FGF14: variants seen among roughly 807,000 people sequenced by gnomAD.
FGF14 encodes fibroblast growth factor homologous factor 4.
In FGF14, 5 loss-of-function variants were observed where a neutral mutation model predicts 25.5. That is an observed-to-expected ratio of 0.20 (90% CI 0.10 to 0.41). FGF14 has a LOEUF of 0.41. Among genes scored for constraint, FGF14 ranks in the 10% least tolerant of loss-of-function variants. The pLI, the probability that FGF14 is intolerant of heterozygous loss-of-function variation, is 1.00. For synonymous variants in FGF14, 138 were observed against 118.3 expected (o/e 1.17, Z -1.08); for missense variants, 222 against 320.1 (o/e 0.69, Z 2.34).
chr13:101,811,018 A>T, intron 3 of FGF14, among the ~76,000 whole-genome samples: 1 of 143,094 alleles, frequency 7.0e-6, no homozygotes. Context: ...TCCTGCTCCA[A>T]AACACACATA....
At chr13:101,956,139 T>C (rs2036498895) in intron 1 of FGF14, among the ~76,000 whole-genome samples, 1 of 152,232 alleles carries the variant, frequency 6.6e-6, no homozygotes, top group African/African-American at 2.4e-5. Flanking sequence ...TCAATTCTAC[T>C]AGTTTCCCAG....
At chr13:101,817,998 A>G (rs1365629174) in intron 3 of FGF14, among the ~76,000 whole-genome samples, 3 of 152,208 alleles carry the variant, frequency 2.0e-5, no homozygotes, top group African/African-American at 7.2e-5. Flanking sequence ...TCTCTCAGTT[A>G]TTCAGTCAGT....
intron 1 of FGF14, among the ~76,000 whole-genome samples, chr13:102,158,600 A>G (rs150938008): frequency 0.038 from 5,749 of 151,952 alleles, 358 homozygotes; most frequent in African/African-American, 0.13. Flanking sequence ...CAGCACACCA[A>G]CGTGGCACAT....
chr13:102,209,383 G>GC, intron 1 of FGF14, among the ~76,000 whole-genome samples: 1 of 152,290 alleles, frequency 6.6e-6, no homozygotes, highest in African/African-American at 2.4e-5. Context: ...AAAAACTGTT[G>GC]GTGTCTGAAG....
intron 1 of FGF14, among the ~76,000 whole-genome samples, chr13:102,155,615 G>C (rs1447521621): frequency 6.6e-6 from 1 of 151,994 alleles, no homozygotes; most frequent in Non-Finnish European, 1.5e-5. Flanking sequence ...AGAAAAGCAA[G>C]AGCAAACACA....
chr13:101,883,912 A>G (rs1312800101), intron 1 of FGF14, among the ~76,000 whole-genome samples: 1 of 150,962 alleles, frequency 6.6e-6, no homozygotes, highest in East Asian at 2.0e-4. Context: ...TAAATGCAAA[A>G]ATTAGCCGGG....
At chr13:101,817,944 A>T (rs956248246) in intron 3 of FGF14, among the ~76,000 whole-genome samples, 7 of 152,252 alleles carry the variant, frequency 4.6e-5, no homozygotes, top group African/African-American at 1.7e-4. Context: ...TGTGTACAAC[A>T]GAAGCAATCT....
chr13:101,986,247 C>G (rs2038572529), intron 1 of FGF14, among the ~76,000 whole-genome samples: 1 of 152,034 alleles, frequency 6.6e-6, no homozygotes, highest in South Asian at 2.1e-4. Flanking sequence ...CAGTAGCGCA[C>G]AAGTTTTTCA....
intron 1 of FGF14, among the ~76,000 whole-genome samples, chr13:102,379,735 TAGAA>T (rs1468636203): frequency 6.6e-6 from 1 of 152,150 alleles, no homozygotes; most frequent in Non-Finnish European, 1.5e-5. Context: ...GTAAACAAGT[TAGAA>T]AGGTAAAGCA....
chr13:101,987,103 G>T (rs981643), intron 1 of FGF14, among the ~76,000 whole-genome samples: 5,864 of 152,002 alleles, frequency 0.039, 336 homozygotes, highest in African/African-American at 0.13. Flanking sequence ...CTAACTGGTT[G>T]CCCTTATTCC....
intron 1 of FGF14, among the ~76,000 whole-genome samples, chr13:102,297,648 G>C (rs934772529): frequency 6.6e-6 from 1 of 151,920 alleles, no homozygotes; most frequent in Non-Finnish European, 1.5e-5. Context: ...CACTTTGGGA[G>C]GCTGAGGCAG....
At chr13:102,277,429 C>T (rs1186964224) in intron 1 of FGF14, among the ~76,000 whole-genome samples, 3 of 152,224 alleles carry the variant, frequency 2.0e-5, no homozygotes, top group African/African-American at 4.8e-5. Context: ...GCAAGAGCAG[C>T]ATGCTGGCCC....
At chr13:101,834,531 G>A (rs1174026703) in intron 3 of FGF14, among the ~76,000 whole-genome samples, 1 of 152,024 alleles carries the variant, frequency 6.6e-6, no homozygotes, top group African/African-American at 2.4e-5. Flanking sequence ...CAGGTAGTAT[G>A]TGTTATTATT....
At position 102,275,236 on chromosome 13, in the gene FGF14, C is replaced by G. The variant is rs937446458; in HGVS notation, c.208+126235G>C. The stretch of plus-strand genomic sequence containing the variant: ...CTGCCAACTGAGATTAGGCAGATTT[C>G]TCTCTCTCTCTCTCTCTCTCTCTCT... On this transcript the variant is annotated intron_variant, in intron 1 of 4. Transcript: ENST00000376131. 9.0e-5 allele frequency among the ~76,000 whole-genome samples: 8 copies of G among 88,878 alleles called. No homozygotes were observed. The East Asian group carries it at 3.5e-3, about 38-fold the overall frequency. 58.3% of individuals were successfully genotyped at this position (88,878 alleles called of 152,430 possible).
chr13:101,925,469 G>A (rs970291601), intron 1 of FGF14, among the ~76,000 whole-genome samples: 1 of 152,170 alleles, frequency 6.6e-6, no homozygotes, highest in Non-Finnish European at 1.5e-5. Context: ...ACTTCAGTGT[G>A]CAGGGTTTCA....
intron 1 of FGF14, among the ~76,000 whole-genome samples, chr13:102,178,374 G>A (rs1205718156): frequency 6.6e-6 from 1 of 152,050 alleles, no homozygotes; most frequent in Non-Finnish European, 1.5e-5. Context: ...TATAACTCTT[G>A]AATATTCACC....
intron 1 of FGF14, among the ~76,000 whole-genome samples, chr13:102,313,329 T>C (rs764140270): frequency 1.1e-4 from 17 of 152,164 alleles, no homozygotes; most frequent in Non-Finnish European, 2.4e-4. Flanking sequence ...TCTTCATCAA[T>C]TACAACAGAA....
At chr13:102,030,009 A>C (rs913531697) in intron 1 of FGF14, among the ~76,000 whole-genome samples, 3 of 152,106 alleles carry the variant, frequency 2.0e-5, no homozygotes, top group Middle Eastern at 3.2e-3. Context: ...ACAAATACAT[A>C]AACTACGGAC....
At chr13:102,334,775 C>A (rs568660014) in intron 1 of FGF14, among the ~76,000 whole-genome samples, 1 of 152,266 alleles carries the variant, frequency 6.6e-6, no homozygotes, top group East Asian at 1.9e-4. Flanking sequence ...ACGTGTCTTG[C>A]ATTTTTAGTT....
Sources: gnomAD v4.1 joint callset for allele counts (sites outside exome capture counted in the v4.1 genomes callset) on GRCh38, gnomAD v4.1.1 for gene constraint, MANE v1.5 for transcripts, NCBI Gene and HGNC (gene_info 2026-07-23, HGNC 2026-07-21) for gene names.